TRPM7: variants seen among roughly 807,000 people sequenced by gnomAD.
TRPM7 encodes the protein LTRPC ion channel family member 7.
In TRPM7, 134 loss-of-function variants were observed where a neutral mutation model predicts 229.7. The observed-to-expected ratio is 0.58, with a 90% CI of 0.51 to 0.67. The LOEUF (loss-of-function observed/expected upper bound fraction) is 0.67. Among genes scored for constraint, TRPM7 ranks in the 30% least tolerant of loss-of-function variants. TRPM7 has a pLI of 0.00. For synonymous variants in TRPM7, 699 were observed against 715.2 expected (o/e 0.98, Z 0.36); for missense variants, 1,901 against 2,210.0 (o/e 0.86, Z 2.80).
intron 31 of TRPM7, 26 bp downstream of exon 31, chr15:50,578,613 A>G (rs2054251405): frequency 6.2e-7 from 1 of 1,605,082 alleles, no homozygotes; most frequent in Non-Finnish European, 8.5e-7. Flanking sequence ...CATTTTTTTC[A>G]CGTTCAATCT....
intron 3 of TRPM7, among the ~76,000 whole-genome samples, chr15:50,655,012 A>T (rs1405231885): frequency 1.3e-5 from 2 of 150,072 alleles, no homozygotes; most frequent in African/African-American, 2.4e-5. Flanking sequence ...AAAAAAAAAA[A>T]AAAAAGAAAA....
chr15:50,685,849 A>AG (rs1384039988), intron 1 of TRPM7, among the ~76,000 whole-genome samples: 2 of 152,198 alleles, frequency 1.3e-5, no homozygotes, highest in Admixed American at 1.3e-4. Flanking sequence ...GGGATGCGGT[A>AG]GTTCGACTTA....
At chr15:50,618,449 AGTCCCAG>A (rs2060291522) in intron 13 of TRPM7, among the ~76,000 whole-genome samples, 2 of 152,082 alleles carry the variant, frequency 1.3e-5, no homozygotes, top group African/African-American at 2.4e-5. Context: ...AGGTGCCTGT[AGTCCCAG>A]CTACTTGGGA....
At chr15:50,615,045 C>A (rs7171445) in intron 13 of TRPM7, among the ~76,000 whole-genome samples, 4,525 of 151,724 alleles carry the variant, frequency 0.03, 249 homozygotes, top group African/African-American at 0.1. Flanking sequence ...GTGGCAGGCA[C>A]CTGTAATCCC....
At chr15:50,639,600 A>T (rs376376477) in intron 5 of TRPM7, 52 bp from the exon 6 acceptor site, 3 of 1,547,224 alleles carry the variant, frequency 1.9e-6, no homozygotes, top group Non-Finnish European at 2.6e-6. Flanking sequence ...TCTTAAAGAC[A>T]GGGTCACCCA....
intron 28 of TRPM7, among the ~76,000 whole-genome samples, chr15:50,584,420 G>A (rs573779050): frequency 6.6e-6 from 1 of 152,248 alleles, no homozygotes; most frequent in Non-Finnish European, 1.5e-5. Context: ...GGAAAAGGGT[G>A]AACAGGTGTG....
At chr15:50,612,455 A>C in intron 16 of TRPM7, 94 bp downstream of exon 16, 2 of 1,038,590 alleles carry the variant, frequency 1.9e-6, no homozygotes, top group Non-Finnish European at 2.8e-6. Context: ...ACATATAAAT[A>C]CATCACCATT....
chr15:50,641,615 C>T (rs2061103056), intron 5 of TRPM7, among the ~76,000 whole-genome samples: 1 of 152,116 alleles, frequency 6.6e-6, no homozygotes, highest in African/African-American at 2.4e-5. Context: ...CTTTATCTCC[C>T]CCACTAGAAG....
At chr15:50,635,896 T>C (rs1018845693) in intron 7 of TRPM7, among the ~76,000 whole-genome samples, 1 of 151,242 alleles carries the variant, frequency 6.6e-6, no homozygotes, top group Non-Finnish European at 1.5e-5. Flanking sequence ...TGAGAATCGC[T>C]TGAACCCAGG....
At chr15:50,624,877 T>C (rs76040655) in intron 11 of TRPM7, among the ~76,000 whole-genome samples, 2,235 of 152,290 alleles carry the variant, frequency 0.015, 61 homozygotes, top group African/African-American at 0.051. Context: ...TTTCCAAAAA[T>C]ACAACCATCA....
chr15:50,654,989 A>G (rs2061519830), intron 3 of TRPM7, among the ~76,000 whole-genome samples: 1 of 134,550 alleles, frequency 7.4e-6, no homozygotes, highest in African/African-American at 2.7e-5. Context: ...CGACAGAGTG[A>G]CACTCCGTCT....
At chr15:50,664,491 T>C (rs1475276592) in intron 1 of TRPM7, among the ~76,000 whole-genome samples, 3 of 152,000 alleles carry the variant, frequency 2.0e-5, no homozygotes, top group Admixed American at 6.6e-5. Flanking sequence ...AACACATCAA[T>C]AGGGATAGAG....
At chr15:50,617,990 G>A (rs1254800461) in intron 13 of TRPM7, among the ~76,000 whole-genome samples, 2 of 152,006 alleles carry the variant, frequency 1.3e-5, no homozygotes, top group South Asian at 4.1e-4. Context: ...CTCATACTTA[G>A]CAGCAAGTAA....
intron 29 of TRPM7, among the ~76,000 whole-genome samples, chr15:50,581,869 T>C (rs1258236779): frequency 2.6e-5 from 4 of 152,194 alleles, no homozygotes; most frequent in African/African-American, 7.2e-5. Context: ...TCTGACTATG[T>C]AGTTTATCTT....
Position 50,578,647 on chromosome 15 carries a change from G to A in TRPM7, c.4610C>T (p.Thr1537Ile). 6.2e-7 allele frequency: 1 copy of A among 1,609,358 alleles called. No homozygotes were observed. The highest frequency in any genetic ancestry group is 1.1e-5 in the South Asian group (1 of 90,358). Residue 1537 changes from threonine to isoleucine, a missense_variant, in exon 31 of 39, where the codon ACA (threonine) becomes ATA (isoleucine). Transcript: ENST00000646667. ...CTACCACACAGACTCACCATTTAAT[G>A]TTCCTTCTTCAGATGGCCTAAAGAA... ...SNREMPSEEG[T>I]LNGLTSPFKP...
intron 13 of TRPM7, among the ~76,000 whole-genome samples, chr15:50,618,595 A>C (rs527350152): frequency 6.7e-6 from 1 of 148,300 alleles, no homozygotes; most frequent in East Asian, 1.9e-4. Context: ...AAATAAATAA[A>C]TAAATAAATA....
At position 50,639,387 on chromosome 15, in the gene TRPM7, A is replaced by G. The variant is rs771343909; in HGVS notation, c.660+37T>C. ...TCTTACTATAATTTTGTTTACATAT[A>G]ATTTCAAACATAAGAAATTTTAAAA... On this transcript the variant is annotated intron_variant, in intron 6 of 38. Transcript: ENST00000646667. 3.3e-6 allele frequency: 5 copies of G among 1,510,516 alleles called. No homozygotes were observed. The African/African-American group carries it at 4.2e-5, about 13-fold the overall frequency. 93.6% of individuals were successfully genotyped at this position (1,510,516 alleles called of 1,614,324 possible).
intron 1 of TRPM7, among the ~76,000 whole-genome samples, chr15:50,674,881 G>C (rs556685063): frequency 3.6e-4 from 54 of 152,022 alleles, no homozygotes; most frequent in African/African-American, 1.3e-3. Context: ...CCATAGTTTT[G>C]GGTTTTTTCC....
chr15:50,588,350 T>C (rs746600528), intron 27 of TRPM7: 10 of 299,748 alleles, frequency 3.3e-5, no homozygotes, highest in Non-Finnish European at 4.9e-5. Flanking sequence ...TTGCATATAA[T>C]AACCAATTAA....
Sources: allele counts gnomAD v4.1 joint callset (sites outside exome capture counted in the v4.1 genomes callset), GRCh38; gene constraint gnomAD v4.1.1; transcripts MANE v1.5; gene names NCBI Gene and HGNC (gene_info 2026-07-23, HGNC 2026-07-21).